RUFY2: variants seen among roughly 807,000 people sequenced by gnomAD.
RUFY2 encodes RUN and FYVE domain-containing protein 2.
Under a neutral mutation model 94.4 loss-of-function variants are expected in RUFY2, and 49 were observed. That is an observed-to-expected ratio of 0.52 (90% CI 0.41 to 0.66). RUFY2 has a LOEUF of 0.66. Among genes scored for constraint, RUFY2 ranks in the 30% least tolerant of loss-of-function variants. The pLI, the probability that RUFY2 is intolerant of heterozygous loss-of-function variation, is 0.00. For missense variants in RUFY2, 541 were observed against 692.8 expected (o/e 0.78, Z 2.46); for synonymous variants, 255 against 235.7 (o/e 1.08, Z -0.75).
At chr10:68,392,980 T>G (rs1341970676) in intron 7 of RUFY2, among the ~76,000 whole-genome samples, 158 bp downstream of exon 7, 1 of 151,466 alleles carries the variant, frequency 6.6e-6, no homozygotes, top group African/African-American at 2.4e-5. Flanking sequence ...AAATGAATTA[T>G]CTCCAATAAT....
intron 15 of RUFY2, among the ~76,000 whole-genome samples, chr10:68,360,973 T>C (rs1167533991): frequency 2.6e-5 from 4 of 151,832 alleles, no homozygotes; most frequent in African/African-American, 9.7e-5. Flanking sequence ...AATTCAACTA[T>C]AAAGTCTCTA....
chr10:68,401,684 C>A lies in RUFY2; in HGVS notation c.232G>T (p.Val78Leu). The change falls in exon 3 of 18, where the codon GTG becomes TTG. Residue 78 changes from valine to leucine, a missense_variant. Physicochemically the swap from Val to Leu is conservative, Grantham distance 32. Around this residue, in one of 3 missense-constraint regions of RUFY2, gnomAD observed 85 missense variants for 153.4 expected, o/e 0.55. Transcript: ENST00000602465. ...NKTIWGPLEL[V>L]EKLYPEAEEI... is the part of the protein sequence containing the mutation. ...TCTGCTTCGGGGTACAGCTTCTCCA[C>A]CAGTTCCAAAGGGCCCCAGATGGTT... 1 of 1,614,080 alleles carries A rather than the reference C, an allele frequency of 6.2e-7. No homozygotes were observed.
Position 68,384,099 on chromosome 10 carries a change from T to C in RUFY2, c.774A>G (p.Leu258=), listed in dbSNP as rs750116311. The C allele has an allele frequency of 1.9e-6, 3 of 1,612,826 alleles. No homozygotes were observed. The highest frequency in any genetic ancestry group is 2.5e-6 in the Non-Finnish European group (3 of 1,179,880). ...TTAAAATCAATTTATTTTCACTTCG[T>C]AATTGATGATTTTCTTCCTGGAGTT... is the stretch of plus-strand genomic sequence containing the variant. ...IIKLQEENHQ[L]RSENKLILMK... Residue 258 remains leucine (L), a synonymous_variant, in exon 9 of 18, where the codon TTA becomes TTG. Transcript: ENST00000602465.
intron 16 of RUFY2, chr10:68,346,678 T>C (rs567401404): frequency 6.6e-6 from 1 of 152,374 alleles, no homozygotes; most frequent in Non-Finnish European, 1.5e-5. Flanking sequence ...GTTACATATT[T>C]ATGGGGTACA....
At chr10:68,383,665 A>C in intron 10 of RUFY2, 133 bp downstream of exon 10, 1 of 686,988 alleles carries the variant, frequency 1.5e-6, no homozygotes, top group South Asian at 1.7e-5. Context: ...AGAAAATTTG[A>C]GAAGATTAAG....
rs949038891 is a variant in RUFY2, at chr10:68,382,214, A to G, written c.940-815T>C. Among the ~76,000 whole-genome samples, 7 of 149,134 alleles carry G rather than the reference A, an allele frequency of 4.7e-5. No individual in the cohort carries two copies. The East Asian group carries it at 6.0e-4, about 13-fold the overall frequency. On this transcript the variant is annotated intron_variant, in intron 10 of 17. Transcript: ENST00000602465. ...CAGGGGTCTGCCACTATGACTGGCT[A>G]ATTTTTTTTTTTTTTGTATTTTTAG...
intron 13 of RUFY2, among the ~76,000 whole-genome samples, chr10:68,374,328 G>A (rs2048476454): frequency 6.6e-6 from 1 of 151,700 alleles, no homozygotes. Flanking sequence ...ATTAAAAAAT[G>A]GAAAAATATA....
chr10:68,378,834 T>C (rs530504119), intron 12 of RUFY2, among the ~76,000 whole-genome samples: 237 of 152,294 alleles, frequency 1.6e-3, no homozygotes, highest in Non-Finnish European at 2.9e-3. Context: ...TTTTCATAAG[T>C]AGATTCAAAG....
intron 1 of RUFY2, chr10:68,406,937 C>T: frequency 6.4e-7 from 1 of 1,555,050 alleles, no homozygotes; most frequent in Non-Finnish European, 8.7e-7. Context: ...GACGCCGTGG[C>T]ACCTCGAGCC....
At chr10:68,347,293 T>G (rs946413222) in intron 16 of RUFY2, among the ~76,000 whole-genome samples, 8 of 147,478 alleles carry the variant, frequency 5.4e-5, no homozygotes, top group South Asian at 4.4e-4. Context: ...TTTTTTTTTT[T>G]TTTTTTTTGA....
At position 68,372,914 on chromosome 10, in the gene RUFY2, A is replaced by C. The variant is rs569403189; in HGVS notation, c.1325+3939T>G. 7.8e-4 allele frequency among the ~76,000 whole-genome samples: 119 copies of C among 152,064 alleles called. 1 individual carries two copies. Among genetic ancestry groups the C allele is most frequent in the Admixed American group, 1.7e-3 (26 of 15,246 alleles). ...CACAGCAAGACCCTGTATCAAAAAAAAAAAAGAATGTTTAAAGAAAGTTCA... is the reference window on the plus strand; with the variant it reads ...CACAGCAAGACCCTGTATCAAAAAACAAAAAGAATGTTTAAAGAAAGTTCA... On this transcript the variant is annotated intron_variant, in intron 13 of 17. Transcript: ENST00000602465.
intron 12 of RUFY2, chr10:68,379,152 ATTTGT>A (rs1289864719): frequency 1.9e-5 from 6 of 322,560 alleles, no homozygotes; most frequent in Admixed American, 4.8e-5. Flanking sequence ...TTATTTGTGT[ATTTGT>A]TTTATGTAAC....
At chr10:68,404,280 C>G (rs981741783) in intron 2 of RUFY2, among the ~76,000 whole-genome samples, 2 of 152,082 alleles carry the variant, frequency 1.3e-5, no homozygotes, top group African/African-American at 4.8e-5. Context: ...GTGTATATAT[C>G]TAGGAGGTTT....
intron 13 of RUFY2, among the ~76,000 whole-genome samples, chr10:68,366,437 C>G (rs1042600120): frequency 1.4e-5 from 2 of 145,806 alleles, no homozygotes; most frequent in African/African-American, 5.0e-5. Context: ...TTAAGATAAA[C>G]AATAAACTTA....
chr10:68,366,274 A>C (rs1174825707), intron 13 of RUFY2, among the ~76,000 whole-genome samples: 1 of 149,438 alleles, frequency 6.7e-6, no homozygotes, highest in Non-Finnish European at 1.5e-5. Context: ...AGGTTGCAGT[A>C]AGCCAAGATC....
chr10:68,385,966 G>A lies in RUFY2; in HGVS notation c.720+93C>T, dbSNP rs763628921. ...GCATCACAATGATGAGTGTGTGTTC[G>A]TGTGTGTGTGTATGTTTAATGCATT... On this transcript the variant is annotated intron_variant, in intron 8 of 17. Coordinates refer to ENST00000602465, the MANE Select transcript of RUFY2 (RefSeq NM_001330103.2). 5.5e-5 allele frequency: 35 copies of A among 638,752 alleles called. No individual in the cohort carries two copies. The East Asian group carries it at 5.9e-4, about 11-fold the overall frequency. The allele number at this position is 638,752 out of a possible 1,614,324, so 39.6% of individuals were successfully genotyped here. A position where few individuals can be genotyped will look rare whatever the true frequency, so the allele number is the denominator to read the frequency against.
intron 7 of RUFY2, among the ~76,000 whole-genome samples, chr10:68,389,853 G>T (rs893598006): frequency 6.6e-6 from 1 of 152,112 alleles, no homozygotes; most frequent in African/African-American, 2.4e-5. Context: ...TACCTAATAT[G>T]TAAGAAGAGG....
intron 13 of RUFY2, among the ~76,000 whole-genome samples, chr10:68,370,413 A>G (rs992334935): frequency 6.6e-6 from 1 of 151,810 alleles, no homozygotes; most frequent in Admixed American, 6.6e-5. Flanking sequence ...TGGGACTTGA[A>G]TCCCCATGCA....
rs1355193940 is a variant in RUFY2, at chr10:68,379,498, T to C, written c.1131A>G (p.Glu377=). 6.2e-7 allele frequency: 1 copy of C among 1,612,756 alleles called. No homozygotes were observed. Among genetic ancestry groups the C allele is most frequent in the Non-Finnish European group, 8.5e-7 (1 of 1,179,502 alleles). ...KLQGSEDGLK[E]KNEIIARLEE... ...CTAGTCGGGCAATTATTTCATTTTT[T>C]TCTTTCAAGCCATCTTCAGAACCCT... Residue 377 remains glutamate, a synonymous_variant, in exon 12 of 18, where the codon GAA becomes GAG. Transcript: ENST00000602465.
Sources: allele counts gnomAD v4.1 joint callset (sites outside exome capture counted in the v4.1 genomes callset), GRCh38; gene constraint gnomAD v4.1.1; regional missense constraint gnomAD v4.1.1; transcripts MANE v1.5; gene names NCBI Gene and HGNC (gene_info 2026-07-23, HGNC 2026-07-21).